Variants in CPLANE1 observed in about 807,000 individuals in gnomAD.
The protein encoded by CPLANE1 is ciliogenesis and planar polarity effector 1.
A neutral mutation model predicts 362.5 loss-of-function variants in CPLANE1; 263 were observed. The ratio of observed to expected loss-of-function variants is 0.73; its 90% CI spans 0.66 to 0.80. The LOEUF is 0.80. Among genes scored for constraint, CPLANE1 ranks in the 30% least tolerant of loss-of-function variants. CPLANE1 has a pLI of 0.00. For synonymous variants in CPLANE1, 1,212 were observed against 1,302.6 expected, an observed-to-expected ratio of 0.93 and a Z score of 1.50; for missense variants, 3,461 against 3,793.4, an observed-to-expected ratio of 0.91 and a Z score of 2.30.
intron 52 of CPLANE1, 82 bp from the exon 53 acceptor site, chr5:37,107,860 C>A: frequency 1.4e-6 from 2 of 1,448,932 alleles, no homozygotes; most frequent in Non-Finnish European, 1.8e-6. Flanking sequence ...GGAACGTGAA[C>A]TAAGCTTTCC....
chr5:37,245,444 GT>G, intron 4 of CPLANE1, 34 bp downstream of exon 4: 1 of 1,397,778 alleles, frequency 7.2e-7, no homozygotes, highest in Non-Finnish European at 9.3e-7. Flanking sequence ...ATTTTTCCTA[GT>G]TAAACCAACT....
chr5:37,113,341 C>A (rs1759895204), intron 51 of CPLANE1, among the ~76,000 whole-genome samples: 1 of 152,198 alleles, frequency 6.6e-6, no homozygotes, highest in Non-Finnish European at 1.5e-5. Flanking sequence ...CACTCTTTTG[C>A]CTGCCACCAT....
chr5:37,084,684 G>C, the CPLANE1 span, among the ~76,000 whole-genome samples: 1 of 152,112 alleles, frequency 6.6e-6, no homozygotes, highest in South Asian at 2.1e-4. Flanking sequence ...GGAGGCTGAA[G>C]CAGGAGAATT....
chr5:37,111,050 G>A (rs1363540877), intron 51 of CPLANE1, among the ~76,000 whole-genome samples: 6 of 151,312 alleles, frequency 4.0e-5, no homozygotes, highest in African/African-American at 7.3e-5. Context: ...CTCGTGATCC[G>A]CCTGCCTCAG....
At chr5:37,104,673 A>G (rs1198072888), downstream of CPLANE1, among the ~76,000 whole-genome samples, 2 of 151,928 alleles carry the variant, frequency 1.3e-5, no homozygotes, top group East Asian at 3.9e-4. Flanking sequence ...TGGGAGGCCC[A>G]GGCAGGCAGA....
intron 36 of CPLANE1, 149 bp from the exon 37 acceptor site, chr5:37,164,476 C>T (rs777829284): frequency 4.9e-6 from 3 of 609,358 alleles, no homozygotes. Context: ...AAATTATTTA[C>T]TCTATCAAAG....
At chr5:37,243,871 A>G (rs979827049) in intron 5 of CPLANE1, among the ~76,000 whole-genome samples, 1 of 147,126 alleles carries the variant, frequency 6.8e-6, no homozygotes, top group African/African-American at 2.5e-5. Context: ...TTTTTTTGAG[A>G]CAGAGTTTCA....
the CPLANE1 span, chr5:37,085,243 T>C: frequency 1.2e-6 from 1 of 850,302 alleles, no homozygotes; most frequent in South Asian, 1.3e-5. Flanking sequence ...GAAGTAAAGA[T>C]TTGCATGCAG....
intron 27 of CPLANE1, 142 bp from the exon 28 acceptor site, chr5:37,180,325 A>C: frequency 2.5e-6 from 1 of 398,204 alleles, no homozygotes; most frequent in Admixed American, 4.7e-5. Flanking sequence ...GGCTTAATTC[A>C]GTTTTTTAAA....
the CPLANE1 span, among the ~76,000 whole-genome samples, chr5:37,089,682 C>T: frequency 2.6e-5 from 4 of 152,158 alleles, no homozygotes; most frequent in Non-Finnish European, 5.9e-5. Flanking sequence ...GGCGATTCCT[C>T]AAGATTAGCC....
chr5:37,168,953 AAAGG>A lies in CPLANE1; in HGVS notation c.7067_7070del (p.Ser2356LeufsTer34). On this transcript the variant is annotated frameshift_variant, in exon 34 of 53. Transcript: ENST00000651892. LOFTEE classifies it high-confidence loss of function. ...GTGGCAGGTATAGTAACGGAAGTCC[AAAGG>A]AATGGTGAGGAGATATCTCAAGGGT... is the stretch of plus-strand genomic sequence containing the variant. 6.2e-7 allele frequency: 1 copy of A among 1,614,220 alleles called. No individual in the cohort carries two copies. The highest frequency in any genetic ancestry group is 1.3e-5 in the African/African-American group (1 of 75,060).
At chr5:37,132,317 T>C (rs1173268201) in intron 46 of CPLANE1, among the ~76,000 whole-genome samples, 3 of 151,182 alleles carry the variant, frequency 2.0e-5, no homozygotes, top group Non-Finnish European at 4.4e-5. Context: ...TAGTTGTTCT[T>C]TGCTTATTCG....
rs566184430 is a variant in CPLANE1, at chr5:37,217,775, G to T, written c.2746+3549C>A. Among the ~76,000 whole-genome samples, 11 of 151,688 alleles carry T rather than the reference G, an allele frequency of 7.3e-5. No individual in the cohort carries two copies. The East Asian group carries it at 2.1e-3, about 29-fold the overall frequency. ...GAGGATCACCTGAGGTCAGGAGTTCGATACCAGCCTGGCCAACATGGTGAA... is the reference window on the plus strand; with the variant it reads ...GAGGATCACCTGAGGTCAGGAGTTCTATACCAGCCTGGCCAACATGGTGAA... On this transcript the variant is annotated intron_variant, in intron 15 of 52. Transcript: ENST00000651892.
At chr5:37,152,241 A>C (rs988427493) in intron 42 of CPLANE1, among the ~76,000 whole-genome samples, 5 of 152,076 alleles carry the variant, frequency 3.3e-5, no homozygotes, top group Non-Finnish European at 5.9e-5. Context: ...CAGTGGCACA[A>C]TAATAGCTTA....
At chr5:37,089,989 G>A in the CPLANE1 span, among the ~76,000 whole-genome samples, 66 of 152,118 alleles carry the variant, frequency 4.3e-4, no homozygotes, top group Non-Finnish European at 6.5e-4. Flanking sequence ...TTCCTCTGTC[G>A]TAAAGAAATA....
chr5:37,247,549 C>A, intron 2 of CPLANE1, 69 bp downstream of exon 2: 1 of 1,350,818 alleles, frequency 7.4e-7, no homozygotes, highest in South Asian at 1.3e-5. Context: ...TAGAACACTC[C>A]TATATTACAG....
chr5:37,161,545 A>G (rs1476613889), intron 38 of CPLANE1, among the ~76,000 whole-genome samples: 1 of 152,224 alleles, frequency 6.6e-6, no homozygotes, highest in Non-Finnish European at 1.5e-5. Context: ...AAAATAAATA[A>G]TATGTTAAAG....
chr5:37,220,000 C>T (rs887368058), intron 15 of CPLANE1, among the ~76,000 whole-genome samples: 4 of 152,122 alleles, frequency 2.6e-5, no homozygotes, highest in Non-Finnish European at 2.9e-5. Context: ...CACCTATAAT[C>T]CCAACACTTT....
At chr5:37,076,175 G>C in the CPLANE1 span, among the ~76,000 whole-genome samples, 5 of 151,254 alleles carry the variant, frequency 3.3e-5, no homozygotes, top group African/African-American at 1.2e-4. Flanking sequence ...AGGATCACTT[G>C]AACAAGAGGT....
Sources: gnomAD v4.1 joint callset for allele counts (sites outside exome capture counted in the v4.1 genomes callset) on GRCh38, gnomAD v4.1.1 for gene constraint, MANE v1.5 for transcripts, NCBI Gene and HGNC (gene_info 2026-07-23, HGNC 2026-07-21) for gene names.